ABCA1: variants seen among roughly 807,000 people sequenced by gnomAD.
ABCA1 encodes the protein ATP binding cassette subfamily A member 1, also known as phospholipid-transporting ATPase ABCA1.
A neutral mutation model predicts 262.5 loss-of-function variants in ABCA1; 133 were observed. The observed-to-expected ratio is 0.51, with a 90% CI of 0.44 to 0.59. The LOEUF is 0.59. Among genes scored for constraint, ABCA1 ranks in the 20% least tolerant of loss-of-function variants. ABCA1 has a pLI of 0.00. For synonymous variants in ABCA1, 1,022 were observed against 1,043.5 expected (o/e 0.98, Z 0.40); for missense variants, 2,452 against 2,777.5 (o/e 0.88, Z 2.63).
At chr9:104,837,366 G>C (rs1833915801) in intron 10 of ABCA1, 62 bp downstream of exon 10, 14 of 1,609,010 alleles carry the variant, frequency 8.7e-6, no homozygotes, top group Non-Finnish European at 1.2e-5. Context: ...GCTACCTTGA[G>C]TTTTTTGCCC....
At chr9:104,869,738 G>A (rs1446711555) in intron 5 of ABCA1, among the ~76,000 whole-genome samples, 1 of 152,154 alleles carries the variant, frequency 6.6e-6, no homozygotes, top group East Asian at 1.9e-4. Flanking sequence ...CCCGGCCTGG[G>A]CTTTCCAACC....
At chr9:104,913,158 T>C (rs1303099452) in intron 1 of ABCA1, among the ~76,000 whole-genome samples, 2 of 152,236 alleles carry the variant, frequency 1.3e-5, no homozygotes. Flanking sequence ...AAGCATTTGG[T>C]GGGGCAGACA....
At chr9:104,812,500 C>A in intron 28 of ABCA1, 74 bp downstream of exon 28, 2 of 1,590,370 alleles carry the variant, frequency 1.3e-6, no homozygotes, top group Non-Finnish European at 1.7e-6. Context: ...AGGATGCTAT[C>A]CTGCCTTCAC....
At chr9:104,923,857 T>C (rs769953277) in intron 1 of ABCA1, among the ~76,000 whole-genome samples, 10 of 152,110 alleles carry the variant, frequency 6.6e-5, no homozygotes, top group Non-Finnish European at 1.5e-4. Flanking sequence ...CTGAGCAAGA[T>C]AGTGAGACCT....
chr9:104,788,477 G>T lies in ABCA1; in HGVS notation c.6018C>A (p.His2006Gln). The change falls in exon 45 of 50, where the codon CAC becomes CAA. Residue 2006 changes from histidine to glutamine, a missense_variant. Physicochemically the swap from His to Gln is conservative, Grantham distance 24 (BLOSUM62 0). This residue lies in a region of ABCA1 where 752 missense variants were observed against 944.5 expected (regional missense o/e 0.80). Transcript: ENST00000374736. ...AITELLTGRE[H>Q]VEFFALLRGV... Reference sequence around the variant, plus strand: ...CTCTCAAAAGGGCAAAGAACTCCACGTGTTCTCTCCCAGTCAACAGCTCTG... The same window carrying T: ...CTCTCAAAAGGGCAAAGAACTCCACTTGTTCTCTCCCAGTCAACAGCTCTG... 6.2e-7 allele frequency: 1 copy of T among 1,614,168 alleles called. No homozygotes were observed. The highest frequency in any genetic ancestry group is 8.5e-7 in the Non-Finnish European group (1 of 1,180,020).
chr9:104,806,850 A>G (rs1400202505), intron 30 of ABCA1, among the ~76,000 whole-genome samples: 1 of 152,290 alleles, frequency 6.6e-6, no homozygotes, highest in Non-Finnish European at 1.5e-5. Context: ...CAACAAATAC[A>G]CTAATAAGAT....
chr9:104,816,665 G>A (rs950137778), intron 24 of ABCA1, among the ~76,000 whole-genome samples: 1 of 151,754 alleles, frequency 6.6e-6, no homozygotes, highest in Non-Finnish European at 1.5e-5. Flanking sequence ...GTGGATGGGT[G>A]AATGGATAAC....
intron 37 of ABCA1, among the ~76,000 whole-genome samples, chr9:104,798,142 T>G (rs533751603): frequency 6.6e-6 from 1 of 152,326 alleles, no homozygotes; most frequent in South Asian, 2.1e-4. Context: ...TGTATCTCTC[T>G]GATTCTTGGG....
Position 104,827,115 on chromosome 9 carries a change from C to G in ABCA1, c.2170G>C (p.Val724Leu). The change falls in exon 16 of 50, where the codon GTG becomes CTG. Residue 724 changes from valine (V) to leucine (L), a missense_variant. Physicochemically the swap from Val to Leu is conservative, Grantham distance 32. Transcript: ENST00000374736. ...DPSVVFVFLS[V>L]FAVVTILQCF... ...TGCAGGATTGTCACCACAGCAAACA[C>G]GGACAGGAAGACAAACACCACGCTG... is the stretch of plus-strand genomic sequence containing the variant. The G allele has an allele frequency of 6.2e-7, 1 of 1,614,110 alleles. No individual in the cohort carries two copies. The highest frequency in any genetic ancestry group is 8.5e-7 in the Non-Finnish European group (1 of 1,180,028).
At chr9:104,804,767 T>C (rs367981936) in intron 31 of ABCA1, 47 bp from the exon 32 acceptor site, 3 of 1,508,852 alleles carry the variant, frequency 2.0e-6, no homozygotes, top group Admixed American at 1.7e-5. Flanking sequence ...TAGACAAGAA[T>C]TGAAACAGAA....
intron 2 of ABCA1, among the ~76,000 whole-genome samples, chr9:104,892,302 GCAAA>G (rs1439872919): frequency 6.6e-6 from 1 of 150,714 alleles, no homozygotes; most frequent in Admixed American, 6.7e-5. Flanking sequence ...TTTTTTAATA[GCAAA>G]CACCTTTTTA....
At chr9:104,868,131 G>A (rs988397401) in intron 5 of ABCA1, among the ~76,000 whole-genome samples, 3 of 152,130 alleles carry the variant, frequency 2.0e-5, no homozygotes, top group Admixed American at 1.3e-4. Context: ...AGGCCAAGAC[G>A]GGTGGATCAA....
rs1281608130 is a variant in ABCA1, at chr9:104,818,645, A to C, written c.3462+18T>G. 6.2e-7 allele frequency: 1 copy of C among 1,611,046 alleles called. No homozygotes were observed. Among genetic ancestry groups the C allele is most frequent in the Non-Finnish European group, 8.5e-7 (1 of 1,178,768 alleles). ...TGCCCAGACCCAACACCAGCCCAGC[A>C]CCAAGACTGCAGCTCACCTTTTTCA... is the stretch of plus-strand genomic sequence containing the variant. On this transcript the variant is annotated intron_variant, in intron 23 of 49. Transcript: ENST00000374736.
chr9:104,903,833 G>A, intron 1 of ABCA1, 62 bp from the exon 2 acceptor site: 1 of 721,314 alleles, frequency 1.4e-6, no homozygotes, highest in Non-Finnish European at 2.4e-6. Flanking sequence ...ATACACCAAT[G>A]AGGACTGCTA....
At chr9:104,914,857 T>C (rs1009760441) in intron 1 of ABCA1, among the ~76,000 whole-genome samples, 2 of 152,178 alleles carry the variant, frequency 1.3e-5, no homozygotes, top group African/African-American at 4.8e-5. Context: ...GTGCATTTAA[T>C]CTGATTTTTC....
chr9:104,862,868 A>AT (rs1034417695), intron 5 of ABCA1, among the ~76,000 whole-genome samples: 67 of 150,212 alleles, frequency 4.5e-4, no homozygotes, highest in African/African-American at 1.5e-3. Flanking sequence ...TGCATTACGC[A>AT]TATCAAAGTG....
intron 7 of ABCA1, among the ~76,000 whole-genome samples, chr9:104,856,287 C>T (rs773007106): frequency 6.6e-5 from 10 of 152,204 alleles, no homozygotes; most frequent in Non-Finnish European, 1.3e-4. Context: ...ATCCTGATCA[C>T]TCATTCTACT....
chr9:104,801,128 A>AAAAAG (rs10695751), intron 34 of ABCA1, among the ~76,000 whole-genome samples: 1 of 151,156 alleles, frequency 6.6e-6, no homozygotes, highest in Non-Finnish European at 1.5e-5. Flanking sequence ...AAAAAAAAAA[A>AAAAAG]GATTCATTTC....
intron 1 of ABCA1, among the ~76,000 whole-genome samples, chr9:104,922,573 C>T (rs534944283): frequency 1.3e-5 from 2 of 152,294 alleles, no homozygotes; most frequent in East Asian, 3.9e-4. Context: ...ACACGGAAAA[C>T]TTAAAAACAT....
Sources: allele counts gnomAD v4.1 joint callset (sites outside exome capture counted in the v4.1 genomes callset), GRCh38; gene constraint gnomAD v4.1.1; regional missense constraint gnomAD v4.1.1; transcripts MANE v1.5; gene names NCBI Gene and HGNC (gene_info 2026-07-23, HGNC 2026-07-21).